The following LRRC14 variants were observed in gnomAD, a reference collection of about 807,000 sequenced individuals.
The protein encoded by LRRC14 is leucine rich repeat containing 14, also known as leucine-rich repeat-containing protein 14.
Under a neutral mutation model 25.3 loss-of-function variants are expected in LRRC14, and 16 were observed. The ratio of observed to expected loss-of-function variants is 0.63; its 90% CI spans 0.43 to 0.96. LRRC14 has a LOEUF of 0.96. Ranked by LOEUF, LRRC14 falls within the 40% of genes least tolerant of loss-of-function variation. The probability of loss-of-function intolerance (pLI) is 0.00; values close to 1 mark genes in which losing one functional copy is unlikely to be tolerated. For missense variants in LRRC14, 594 were observed against 660.5 expected (o/e 0.90, Z 1.10); for synonymous variants, 359 against 295.1 (o/e 1.22, Z -2.22).
At position 144,523,484 on chromosome 8, in the gene LRRC14, C is replaced by G. The variant is rs894972984; in HGVS notation, c.*2006C>G. ...GCCTGTGCAGTTGGGGTTTTGCAGG[C>G]CAGGACAGAGGCCTCTTTCCCACCT... On this transcript the variant is annotated 3_prime_UTR_variant, in exon 4 of 4. Coordinates refer to ENST00000292524, the MANE Select transcript of LRRC14 (RefSeq NM_014665.4). The G allele has an allele frequency of 2.7e-6, 4 of 1,472,760 alleles. No homozygotes were observed. In the African/African-American group the frequency reaches 5.7e-5, roughly 21 times the overall value. The allele number at this position is 1,472,760 out of a possible 1,614,324, so 91.2% of individuals were successfully genotyped here.
chr8:144,522,660 G>A lies in LRRC14; in HGVS notation c.*1182G>A, dbSNP rs1202712919. 7 of 1,592,464 alleles carry A rather than the reference G, an allele frequency of 4.4e-6. No homozygotes were observed. In the Admixed American group the frequency reaches 1.0e-4, roughly 24 times the overall value. On this transcript the variant is annotated 3_prime_UTR_variant, in exon 4 of 4. Transcript: ENST00000292524. ...TCCTCTAGCTGTGCGAACGTACAGG[G>A]GCCGTCCAAGTAGTCGTTGACGAAC... is the stretch of plus-strand genomic sequence containing the variant.
Position 144,524,105 on chromosome 8 carries a change from G to A in LRRC14, c.*2627G>A, listed in dbSNP as rs1215978434. ...AGACAGAGACGCTTTCCGAGGAAGA[G>A]GTACCTGTGAGGCGCAGGACTTGCA... On this transcript the variant is annotated 3_prime_UTR_variant, in exon 4 of 4. Coordinates refer to ENST00000292524, the MANE Select transcript of LRRC14 (RefSeq NM_014665.4). 2 of 1,595,138 alleles carry A rather than the reference G, an allele frequency of 1.3e-6. No homozygotes were observed. The highest frequency in any genetic ancestry group is 1.7e-5 in the Admixed American group (1 of 59,262).
rs1312812762 is a variant in LRRC14 at position 144,523,508 on chromosome 8, C to T, written c.*2030C>T. ...GCCAGGACAGAGGCCTCTTTCCCAC[C>T]TCCCACAGCGTTTTCACACGGAGTC... On this transcript the variant is annotated 3_prime_UTR_variant, in exon 4 of 4. Coordinates refer to ENST00000292524, the MANE Select transcript of LRRC14 (RefSeq NM_014665.4). 2 of 1,428,002 alleles carry T rather than the reference C, an allele frequency of 1.4e-6. No individual in the cohort carries two copies. The highest frequency in any genetic ancestry group is 1.8e-6 in the Non-Finnish European group (2 of 1,100,236). 88.5% of individuals were successfully genotyped at this position (1,428,002 alleles called of 1,614,324 possible).
At position 144,524,389 on chromosome 8, in the gene LRRC14, G is replaced by A; in HGVS notation, c.*2911G>A. On this transcript the variant is annotated 3_prime_UTR_variant, in exon 4 of 4. Coordinates refer to ENST00000292524, the MANE Select transcript of LRRC14 (RefSeq NM_014665.4). ...CTTTTCTAACTATTCCAGCCCTACAGGGCGAGGGGCCATAATGGAGTATCC... is the reference window on the plus strand; with the variant it reads ...CTTTTCTAACTATTCCAGCCCTACAAGGCGAGGGGCCATAATGGAGTATCC... The A allele has an allele frequency of 1.9e-6, 3 of 1,594,256 alleles. No homozygotes were observed. Among genetic ancestry groups the A allele is most frequent in the South Asian group, 1.1e-5 (1 of 90,904 alleles).
rs1034732091 is a variant in LRRC14 at position 144,522,489 on chromosome 8, C to T, written c.*1011C>T. 2.7e-6 allele frequency: 4 copies of T among 1,491,642 alleles called. No homozygotes were observed. The highest frequency in any genetic ancestry group is 1.4e-5 in the African/African-American group (1 of 69,000). 92.4% of individuals were successfully genotyped at this position (1,491,642 alleles called of 1,614,324 possible). On this transcript the variant is annotated 3_prime_UTR_variant, in exon 4 of 4. Transcript: ENST00000292524. Reference sequence around the variant, plus strand: ...CGCCCGCGGCCCTAGCAGTGGATCTCGTAGGCGACCGGCGGGGGCACGCGG... The same window carrying T: ...CGCCCGCGGCCCTAGCAGTGGATCTTGTAGGCGACCGGCGGGGGCACGCGG...
chr8:144,521,552 G>C lies in LRRC14; in HGVS notation c.*74G>C. On this transcript the variant is annotated 3_prime_UTR_variant, in exon 4 of 4. Coordinates refer to ENST00000292524, the MANE Select transcript of LRRC14 (RefSeq NM_014665.4). Reference sequence around the variant, plus strand: ...AGGCAGGGCCTTTGCTGGGACCCCTGGTGGAGGCCTTCACAAAAGCACTGG... The same window carrying C: ...AGGCAGGGCCTTTGCTGGGACCCCTCGTGGAGGCCTTCACAAAAGCACTGG... The C allele has an allele frequency of 7.0e-7, 1 of 1,419,622 alleles. No individual in the cohort carries two copies. Among genetic ancestry groups the C allele is most frequent in the Non-Finnish European group, 9.4e-7 (1 of 1,062,450 alleles). The allele number at this position is 1,419,622 out of a possible 1,614,324, so 87.9% of individuals were successfully genotyped here.
Position 144,523,538 on chromosome 8 carries a change from G to GC in LRRC14, c.*2063dup, listed in dbSNP as rs1816219292. On this transcript the variant is annotated 3_prime_UTR_variant, in exon 4 of 4. Transcript: ENST00000292524. The stretch of plus-strand genomic sequence containing the variant: ...ACAGCGTTTTCACACGGAGTCCAAG[G>GC]CCCTGCCACCCCTTCCTTGACCCCA... 2 of 1,361,628 alleles carry GC rather than the reference G, an allele frequency of 1.5e-6. No homozygotes were observed. The highest frequency in any genetic ancestry group is 6.8e-5 in the Admixed American group (2 of 29,272). The allele number at this position is 1,361,628 out of a possible 1,614,324, so 84.3% of individuals were successfully genotyped here.
Position 144,520,380 on chromosome 8 carries a change from C to T in LRRC14, c.472C>T (p.Pro158Ser). Residue 158 changes from proline (P) to serine (S), a missense_variant, in exon 3 of 4, where the codon CCT becomes TCT. Physicochemically the swap from Pro to Ser is moderately conservative, Grantham distance 74. Transcript: ENST00000292524. ...IAQQQGGAAE[P>S]GPAPIPVEVR... Reference sequence around the variant, plus strand: ...CCAGCAGCAGGGTGGGGCCGCAGAGCCTGGGCCAGCCCCCATCCCCGTGGA... The same window carrying T: ...CCAGCAGCAGGGTGGGGCCGCAGAGTCTGGGCCAGCCCCCATCCCCGTGGA... 6.2e-7 allele frequency: 1 copy of T among 1,609,978 alleles called. No homozygotes were observed.
Position 144,522,145 on chromosome 8 carries a change from C to A in LRRC14, c.*667C>A, listed in dbSNP as rs561566777. The A allele has an allele frequency of 1.3e-4, 41 of 320,900 alleles. 1 individual carries two copies. Among genetic ancestry groups the A allele is most frequent in the Non-Finnish European group, 1.7e-4 (30 of 175,718 alleles). The allele number at this position is 320,900 out of a possible 1,614,324, so 19.9% of individuals were successfully genotyped here. ...GCCTGTCGCCCCGCCCTTCGCGGGGCAGCCCCGTCGGCACTGCCGGCCAGT... is the reference window on the plus strand; with the variant it reads ...GCCTGTCGCCCCGCCCTTCGCGGGGAAGCCCCGTCGGCACTGCCGGCCAGT... On this transcript the variant is annotated 3_prime_UTR_variant, in exon 4 of 4. Transcript: ENST00000292524.
Position 144,522,514 on chromosome 8 carries a change from G to GAGTCCC in LRRC14, c.*1037_*1042dup, listed in dbSNP as rs771197556. ...CGTAGGCGACCGGCGGGGGCACGCG[G>GAGTCCC]AGTCCCGGCCCCGCCCCCTGTTCCG... is the stretch of plus-strand genomic sequence containing the variant. On this transcript the variant is annotated 3_prime_UTR_variant, in exon 4 of 4. Transcript: ENST00000292524. 3.9e-5 allele frequency: 59 copies of GAGTCCC among 1,503,222 alleles called. No homozygotes were observed. Among genetic ancestry groups the GAGTCCC allele is most frequent in the East Asian group, 8.2e-5 (3 of 36,672 alleles). The allele number at this position is 1,503,222 out of a possible 1,614,324, so 93.1% of individuals were successfully genotyped here.
Position 144,523,443 on chromosome 8 carries a change from G to C in LRRC14, c.*1965G>C. On this transcript the variant is annotated 3_prime_UTR_variant, in exon 4 of 4. Coordinates refer to ENST00000292524, the MANE Select transcript of LRRC14 (RefSeq NM_014665.4). ...GAGCAGCGTTAGGCAGGTGGCTTGA[G>C]GGTGCTGCTAAAACAGCCTGTGCAG... 2.7e-6 allele frequency: 4 copies of C among 1,506,292 alleles called. No homozygotes were observed. The highest frequency in any genetic ancestry group is 2.7e-6 in the Non-Finnish European group (3 of 1,130,690). 93.3% of individuals were successfully genotyped at this position (1,506,292 alleles called of 1,614,324 possible).
Position 144,520,029 on chromosome 8 carries a change from G to C in LRRC14, c.304G>C (p.Gly102Arg), listed in dbSNP as rs773168879. ...TGCCCGGCTCCACACCTCAGAGCCT[G>C]GGGCCAGCACACAGCCCCTCTGCAG... ...LTARLHTSEP[G>R]ASTQPLCRKH... Residue 102 changes from glycine to arginine, a missense_variant, in exon 2 of 4, where the codon GGG (glycine) becomes CGG (arginine). By Grantham distance (125) the Gly-to-Arg change is moderately radical. Coordinates refer to ENST00000292524, the MANE Select transcript of LRRC14 (RefSeq NM_014665.4). The C allele has an allele frequency of 1.2e-6, 2 of 1,608,238 alleles. No homozygotes were observed. The highest frequency in any genetic ancestry group is 1.7e-6 in the Non-Finnish European group (2 of 1,178,944).
rs1218894174 is a variant in LRRC14 at position 144,523,309 on chromosome 8, A to G, written c.*1831A>G. The G allele has an allele frequency of 1.9e-6, 3 of 1,610,300 alleles. No individual in the cohort carries two copies. The highest frequency in any genetic ancestry group is 2.5e-6 in the Non-Finnish European group (3 of 1,178,748). ...GGAGCGCCAGGCGCGGGGGCTCTGCACACATGATCTTCCTGTCCCTGGAGG... is the reference window on the plus strand; with the variant it reads ...GGAGCGCCAGGCGCGGGGGCTCTGCGCACATGATCTTCCTGTCCCTGGAGG... On this transcript the variant is annotated 3_prime_UTR_variant, in exon 4 of 4. Coordinates refer to ENST00000292524, the MANE Select transcript of LRRC14 (RefSeq NM_014665.4).
chr8:144,524,422 T>C lies in LRRC14; in HGVS notation c.*2944T>C. On this transcript the variant is annotated 3_prime_UTR_variant, in exon 4 of 4. Coordinates refer to ENST00000292524, the MANE Select transcript of LRRC14 (RefSeq NM_014665.4). ...GGCCATAATGGAGTATCCCGCCCCTTTAGACCCCAGGCGCTCACCGGCAGG... is the reference window on the plus strand; with the variant it reads ...GGCCATAATGGAGTATCCCGCCCCTCTAGACCCCAGGCGCTCACCGGCAGG... 6.3e-7 allele frequency: 1 copy of C among 1,597,162 alleles called. No individual in the cohort carries two copies. The highest frequency in any genetic ancestry group is 8.5e-7 in the Non-Finnish European group (1 of 1,179,528).
rs932025900 is a variant in LRRC14, at chr8:144,519,678, C to T, written c.-48C>T. On this transcript the variant is annotated 5_prime_UTR_variant, in exon 2 of 4. Coordinates refer to ENST00000292524, the MANE Select transcript of LRRC14 (RefSeq NM_014665.4). Reference sequence around the variant, plus strand: ...GGTAGTGGCCTAGGGTCTCTCCTCCCTGCTGAAGTCCCTCTCCTGCAGGTG... The same window carrying T: ...GGTAGTGGCCTAGGGTCTCTCCTCCTTGCTGAAGTCCCTCTCCTGCAGGTG... 6.6e-7 allele frequency: 1 copy of T among 1,518,170 alleles called. No homozygotes were observed. The highest frequency in any genetic ancestry group is 1.4e-5 in the African/African-American group (1 of 72,928). The allele number at this position is 1,518,170 out of a possible 1,614,324, so 94.0% of individuals were successfully genotyped here.
At position 144,523,567 on chromosome 8, in the gene LRRC14, T is replaced by G. The variant is rs1210452701; in HGVS notation, c.*2089T>G. ...TGCCACCCCTTCCTTGACCCCAAGC[T>G]CCTTGGGGCGGCAGGCCCTTCACCC... On this transcript the variant is annotated 3_prime_UTR_variant, in exon 4 of 4. Transcript: ENST00000292524. 1 of 1,206,022 alleles carries G rather than the reference T, an allele frequency of 8.3e-7. No individual in the cohort carries two copies. Among genetic ancestry groups the G allele is most frequent in the Non-Finnish European group, 1.1e-6 (1 of 931,058 alleles). The allele number at this position is 1,206,022 out of a possible 1,614,324, so 74.7% of individuals were successfully genotyped here.
chr8:144,522,521 GGCCCCGCCCCCTGTT>G lies in LRRC14; in HGVS notation c.*1044_*1058del. On this transcript the variant is annotated 3_prime_UTR_variant, in exon 4 of 4. Transcript: ENST00000292524. ...GACCGGCGGGGGCACGCGGAGTCCC[GGCCCCGCCCCCTGTT>G]CCGGGCCGCAGTCAGCGGGCGCCTC... 1 of 1,507,488 alleles carries G rather than the reference GGCCCCGCCCCCTGTT, an allele frequency of 6.6e-7. No homozygotes were observed. The highest frequency in any genetic ancestry group is 1.3e-5 in the South Asian group (1 of 79,598). The allele number at this position is 1,507,488 out of a possible 1,614,324, so 93.4% of individuals were successfully genotyped here.
In LRRC14 at chr8:144,520,305, A is replaced by C; in HGVS notation, c.397A>C (p.Thr133Pro). 1 of 1,612,212 alleles carries C rather than the reference A, an allele frequency of 6.2e-7. No homozygotes were observed. Among genetic ancestry groups the C allele is most frequent in the Non-Finnish European group, 8.5e-7 (1 of 1,179,974 alleles). ...LDDGVEQDPGTMSMWDCTAAV... is the reference protein window; with the variant it reads ...LDDGVEQDPGPMSMWDCTAAV... ...TGATGGTGTGGAACAGGATCCTGGC[A>C]CCATGAGCATGTGGGACTGTACTGC... Residue 133 changes from threonine to proline, a missense_variant, in exon 3 of 4, where the codon ACC becomes CCC. By Grantham distance (38) the Thr-to-Pro change is conservative. Coordinates refer to ENST00000292524, the MANE Select transcript of LRRC14 (RefSeq NM_014665.4).
At position 144,522,610 on chromosome 8, in the gene LRRC14, C is replaced by G; in HGVS notation, c.*1132C>G. The G allele has an allele frequency of 1.3e-6, 2 of 1,571,394 alleles. No individual in the cohort carries two copies. Among genetic ancestry groups the G allele is most frequent in the Non-Finnish European group, 8.6e-7 (1 of 1,161,276 alleles). On this transcript the variant is annotated 3_prime_UTR_variant, in exon 4 of 4. Coordinates refer to ENST00000292524, the MANE Select transcript of LRRC14 (RefSeq NM_014665.4). Reference sequence around the variant, plus strand: ...GCTTGGAGCGGTTGATGACGAACATCTCGTGGCCGCGCTCGTCGCGGAGCT... The same window carrying G: ...GCTTGGAGCGGTTGATGACGAACATGTCGTGGCCGCGCTCGTCGCGGAGCT...
Sources: gnomAD v4.1 joint callset for allele counts on GRCh38, gnomAD v4.1.1 for gene constraint, MANE v1.5 for transcripts, NCBI Gene and HGNC (gene_info 2026-07-23, HGNC 2026-07-21) for gene names.